ITPR1: variants seen among roughly 807,000 people sequenced by gnomAD.
ITPR1 encodes inositol 1,4,5-trisphosphate receptor type 1.
ITPR1 carries 96 observed loss-of-function variants against 318.4 expected under a neutral mutation model. The observed-to-expected ratio is 0.30, with a 90% CI of 0.26 to 0.36. ITPR1 has a LOEUF of 0.36. Ranked by LOEUF, ITPR1 falls within the 10% of genes least tolerant of loss-of-function variation. The probability of loss-of-function intolerance (pLI) is 1.00; values close to 1 mark genes in which losing one functional copy is unlikely to be tolerated. For missense variants in ITPR1, 2,440 were observed against 3,460.2 expected, an observed-to-expected ratio of 0.71 and a Z score of 7.40; for synonymous variants, 1,312 against 1,289.9, an observed-to-expected ratio of 1.02 and a Z score of -0.37.
chr3:4,791,825 G>T (rs995748467), intron 52 of ITPR1, among the ~76,000 whole-genome samples: 2 of 152,230 alleles, frequency 1.3e-5, no homozygotes, highest in African/African-American at 4.8e-5. Flanking sequence ...ATCTAGAAAG[G>T]TCTGTAGGAC....
chr3:4,542,762 C>T lies in ITPR1; in HGVS notation c.163+21668C>T, dbSNP rs150514125. On this transcript the variant is annotated intron_variant, in intron 4 of 61. Transcript: ENST00000649015. ...GAGTAGGTGCAGAGCTTTATCCCCTCTACCTGGCACTAGTATCATAATGGA... is the reference window on the plus strand; with the variant it reads ...GAGTAGGTGCAGAGCTTTATCCCCTTTACCTGGCACTAGTATCATAATGGA... Among the ~76,000 whole-genome samples, 452 of 152,266 alleles carry T rather than the reference C, an allele frequency of 3.0e-3. 1 individual carries two copies. Among genetic ancestry groups the T allele is most frequent in the Middle Eastern group, 3.4e-3 (1 of 294 alleles).
intron 6 of ITPR1, among the ~76,000 whole-genome samples, chr3:4,639,797 AC>A (rs11295931): frequency 1 from 152,330 of 152,330 alleles, 76,165 homozygotes; most frequent in Non-Finnish European, 1. Context: ...AATTCTTCCT[AC>A]TTCGGTGAAA....
chr3:4,841,368 TAGGGG>T (rs2051330046), intron 61 of ITPR1, among the ~76,000 whole-genome samples: 1 of 152,100 alleles, frequency 6.6e-6, no homozygotes, highest in Non-Finnish European at 1.5e-5. Context: ...AGAAATGCAG[TAGGGG>T]GCTTCCCAGG....
chr3:4,727,760 G>A (rs2042623045), intron 42 of ITPR1, among the ~76,000 whole-genome samples: 1 of 152,104 alleles, frequency 6.6e-6, no homozygotes, highest in Non-Finnish European at 1.5e-5. Flanking sequence ...TATTTTTGTA[G>A]AGACAGAGTC....
At chr3:4,645,547 T>TTTTTTCCTTAATTCTTTC in intron 9 of ITPR1, 35 bp from the exon 10 acceptor site, 1 of 1,609,676 alleles carries the variant, frequency 6.2e-7, no homozygotes, top group Non-Finnish European at 8.5e-7. Flanking sequence ...TTTTAAATTC[T>TTTTTTCCTTAATTCTTTC]TTTTTCCTTA....
intron 60 of ITPR1, among the ~76,000 whole-genome samples, chr3:4,835,745 T>G (rs79536165): frequency 1.8e-3 from 267 of 152,286 alleles, no homozygotes; most frequent in Non-Finnish European, 3.3e-3. Context: ...GTACAGAACT[T>G]ATGTATGCGG....
chr3:4,828,241 A>G (rs1033451787), intron 60 of ITPR1, among the ~76,000 whole-genome samples: 6 of 152,200 alleles, frequency 3.9e-5, no homozygotes, highest in African/African-American at 7.2e-5. Flanking sequence ...TAATGGATCA[A>G]AGTTGAATAC....
intron 44 of ITPR1, among the ~76,000 whole-genome samples, chr3:4,746,991 C>T (rs923641618): frequency 1.3e-5 from 2 of 152,156 alleles, no homozygotes; most frequent in South Asian, 2.1e-4. Flanking sequence ...AGCCTTCTTA[C>T]CATTTTTGAA....
intron 36 of ITPR1, among the ~76,000 whole-genome samples, chr3:4,705,486 A>G (rs970970022): frequency 6.6e-6 from 1 of 152,136 alleles, no homozygotes; most frequent in Admixed American, 6.6e-5. Flanking sequence ...TGGTCCAGGT[A>G]CCACCTTGCA....
intron 54 of ITPR1, among the ~76,000 whole-genome samples, chr3:4,801,408 GA>G (rs1461294361): frequency 2.6e-5 from 4 of 152,200 alleles, no homozygotes; most frequent in Non-Finnish European, 5.9e-5. Flanking sequence ...GGACTTTAGA[GA>G]ACAGGTCATG....
At chr3:4,610,833 T>C (rs1253495555) in intron 4 of ITPR1, among the ~76,000 whole-genome samples, 3 of 150,882 alleles carry the variant, frequency 2.0e-5, no homozygotes, top group Non-Finnish European at 2.9e-5. Flanking sequence ...TTCTTTTTCC[T>C]TCCCTTTCTC....
chr3:4,552,261 A>T lies in ITPR1; in HGVS notation c.163+31167A>T, dbSNP rs2125000784. 4.6e-5 allele frequency among the ~76,000 whole-genome samples: 7 copies of T among 152,220 alleles called. 1 individual carries two copies. The South Asian group carries it at 1.5e-3, about 32-fold the overall frequency. On this transcript the variant is annotated intron_variant, in intron 4 of 61. Coordinates refer to ENST00000649015, the MANE Select transcript of ITPR1 (RefSeq NM_001378452.1). Reference sequence around the variant, plus strand: ...CTTCTATTTTAATGTTTAACTGGTGATAGTATTAGATCCCACAGATTGGAG... The same window carrying T: ...CTTCTATTTTAATGTTTAACTGGTGTTAGTATTAGATCCCACAGATTGGAG...
intron 5 of ITPR1, among the ~76,000 whole-genome samples, chr3:4,633,943 A>G (rs1486844259): frequency 6.6e-6 from 1 of 152,158 alleles, no homozygotes; most frequent in Non-Finnish European, 1.5e-5. Context: ...TAACAAAATA[A>G]CCTTTCCTTA....
At chr3:4,724,314 A>G (rs1575020523) in intron 40 of ITPR1, 1 of 152,368 alleles carries the variant, frequency 6.6e-6, no homozygotes, top group East Asian at 1.9e-4. Flanking sequence ...ATTACATAAT[A>G]TAGCAGCCCT....
chr3:4,765,952 T>C (rs2125372030), intron 44 of ITPR1, among the ~76,000 whole-genome samples: 1 of 152,356 alleles, frequency 6.6e-6, no homozygotes, highest in East Asian at 1.9e-4. Flanking sequence ...GGAGTCACTA[T>C]AGCATAGTGT....
intron 4 of ITPR1, among the ~76,000 whole-genome samples, chr3:4,582,074 T>C (rs1273264183): frequency 1.3e-5 from 2 of 152,156 alleles, no homozygotes; most frequent in East Asian, 1.9e-4. Flanking sequence ...TCTTAAGTCA[T>C]GCTATGTGTG....
chr3:4,827,155 C>G (rs544237392), intron 60 of ITPR1, among the ~76,000 whole-genome samples: 17 of 152,326 alleles, frequency 1.1e-4, no homozygotes, highest in African/African-American at 3.8e-4. Context: ...TACATTTTCT[C>G]CCCACCGCCC....
At chr3:4,528,652 T>C (rs1292636116) in intron 4 of ITPR1, among the ~76,000 whole-genome samples, 1 of 152,106 alleles carries the variant, frequency 6.6e-6, no homozygotes, top group Non-Finnish European at 1.5e-5. Context: ...AGGCCTTTCA[T>C]AGTAGGGGTA....
At chr3:4,693,399 A>G (rs1226639693) in intron 32 of ITPR1, 91 bp from the exon 33 acceptor site, 1 of 1,396,514 alleles carries the variant, frequency 7.2e-7, no homozygotes, top group Non-Finnish European at 1.0e-6. Flanking sequence ...AAATGCTAAC[A>G]GAACCTCTCT....
Sources: allele counts gnomAD v4.1 joint callset (sites outside exome capture counted in the v4.1 genomes callset), GRCh38; gene constraint gnomAD v4.1.1; transcripts MANE v1.5; gene names NCBI Gene and HGNC (gene_info 2026-07-23, HGNC 2026-07-21).